The following NELL1 variants were observed in gnomAD, a reference collection of about 807,000 sequenced individuals.
The protein encoded by NELL1 is protein kinase C-binding protein NELL1.
NELL1 carries 76 observed loss-of-function variants against 107.4 expected under a neutral mutation model. That is an observed-to-expected ratio of 0.71 (90% CI 0.59 to 0.86). The LOEUF (loss-of-function observed/expected upper bound fraction) is 0.86, where lower values mean the gene tolerates loss of function less well. NELL1 is among the 40% of genes least tolerant of loss of function. The pLI is 0.00. For missense variants in NELL1, 1,024 were observed against 1,005.5 expected, an observed-to-expected ratio of 1.02 and a Z score of -0.25; for synonymous variants, 353 against 341.2, an observed-to-expected ratio of 1.03 and a Z score of -0.38.
intron 12 of NELL1, among the ~76,000 whole-genome samples, chr11:21,026,256 G>A (rs1010520889): frequency 6.6e-6 from 1 of 152,108 alleles, no homozygotes; most frequent in African/African-American, 2.4e-5. Context: ...TACCTAGTGA[G>A]CGATGCCCTT....
At chr11:21,312,651 T>C (rs1444349593) in intron 14 of NELL1, among the ~76,000 whole-genome samples, 1 of 151,966 alleles carries the variant, frequency 6.6e-6, no homozygotes, top group Admixed American at 6.6e-5. Flanking sequence ...GTGACAAATG[T>C]AAGTCTGTAG....
At chr11:21,463,074 T>A (rs996105906) in intron 15 of NELL1, among the ~76,000 whole-genome samples, 1 of 152,024 alleles carries the variant, frequency 6.6e-6, no homozygotes, top group Admixed American at 6.6e-5. Context: ...CTATCAAAAA[T>A]ACCTAAATTT....
chr11:21,481,701 T>C (rs1393461447), intron 15 of NELL1, among the ~76,000 whole-genome samples: 1 of 152,208 alleles, frequency 6.6e-6, no homozygotes, highest in Non-Finnish European at 1.5e-5. Flanking sequence ...TCGTGGACTT[T>C]AGGCAATTTC....
At chr11:21,536,670 T>C (rs575959484) in intron 16 of NELL1, among the ~76,000 whole-genome samples, 2 of 152,286 alleles carry the variant, frequency 1.3e-5, no homozygotes, top group East Asian at 1.9e-4. Flanking sequence ...GGTTGTTGTT[T>C]AATAAATGTG....
chr11:20,694,932 C>G (rs11025699), intron 2 of NELL1, among the ~76,000 whole-genome samples: 13,750 of 151,814 alleles, frequency 0.091, 823 homozygotes, highest in Non-Finnish European at 0.13. Context: ...GAACATGGAA[C>G]GTTTCTTCAT....
At chr11:20,858,139 C>T (rs1006304298) in intron 4 of NELL1, among the ~76,000 whole-genome samples, 1 of 152,172 alleles carries the variant, frequency 6.6e-6, no homozygotes, top group Non-Finnish European at 1.5e-5. Flanking sequence ...AAGTACTCTA[C>T]AAGTCCCTTA....
intron 14 of NELL1, among the ~76,000 whole-genome samples, chr11:21,278,730 T>C (rs1848925827): frequency 6.6e-6 from 1 of 152,198 alleles, no homozygotes; most frequent in South Asian, 2.1e-4. Context: ...CAAGATTTTA[T>C]GCAATCCCAA....
chr11:20,684,269 A>T (rs968849454), intron 2 of NELL1, among the ~76,000 whole-genome samples: 4 of 151,952 alleles, frequency 2.6e-5, no homozygotes, highest in South Asian at 2.1e-4. Flanking sequence ...AAATTATTTT[A>T]AAAAGACTAA....
At chr11:21,035,133 G>T (rs779955717) in intron 12 of NELL1, among the ~76,000 whole-genome samples, 52 of 151,980 alleles carry the variant, frequency 3.4e-4, no homozygotes, top group Non-Finnish European at 5.4e-4. Context: ...AGAAGAACTG[G>T]ATACATTCCT....
At chr11:21,237,197 G>C (rs1319663097) in intron 14 of NELL1, among the ~76,000 whole-genome samples, 3 of 151,930 alleles carry the variant, frequency 2.0e-5, no homozygotes, top group Non-Finnish European at 4.4e-5. Context: ...ATTCAAATTG[G>C]GCAACTACCT....
chr11:21,531,188 T>A (rs1221349259), intron 15 of NELL1, among the ~76,000 whole-genome samples: 1 of 152,264 alleles, frequency 6.6e-6, no homozygotes, highest in African/African-American at 2.4e-5. Flanking sequence ...CACACACATA[T>A]ACGTATATAG....
intron 14 of NELL1, among the ~76,000 whole-genome samples, chr11:21,326,428 G>T (rs972749697): frequency 4.6e-5 from 7 of 151,524 alleles, no homozygotes; most frequent in African/African-American, 1.7e-4. Context: ...TAATTTCCCT[G>T]GTCCAATGTC....
intron 12 of NELL1, among the ~76,000 whole-genome samples, chr11:21,004,282 G>C (rs1002775078): frequency 6.6e-6 from 1 of 152,100 alleles, no homozygotes; most frequent in Non-Finnish European, 1.5e-5. Context: ...TGCAGTAATT[G>C]AAGTGGTTAA....
At chr11:20,760,567 G>A (rs566363290) in intron 2 of NELL1, among the ~76,000 whole-genome samples, 39 of 152,316 alleles carry the variant, frequency 2.6e-4, no homozygotes, top group African/African-American at 8.7e-4. Context: ...GGCATGGATG[G>A]AAGAAGGCAC....
chr11:20,956,753 C>T (rs141956672), intron 11 of NELL1, among the ~76,000 whole-genome samples: 56 of 152,144 alleles, frequency 3.7e-4, no homozygotes, highest in Non-Finnish European at 6.5e-4. Flanking sequence ...ATTATAAATT[C>T]GATCTCCTGA....
chr11:20,783,677 T>C lies in NELL1; in HGVS notation c.185-3T>C, dbSNP rs1856896108. ...TCCTCCTGCTTTTCTTCTTGATTCC[T>C]AGACATAGAAAGAGAGATCCATGCA... is the stretch of plus-strand genomic sequence containing the variant. On this transcript the variant is annotated splice_region_variant and splice_polypyrimidine_tract_variant and intron_variant, in intron 2 of 19. Transcript: ENST00000357134. The C allele has an allele frequency of 6.2e-7, 1 of 1,611,792 alleles. No individual in the cohort carries two copies.
At chr11:20,946,031 T>C (rs79471340) in intron 10 of NELL1, among the ~76,000 whole-genome samples, 3,169 of 152,314 alleles carry the variant, frequency 0.021, 121 homozygotes, top group African/African-American at 0.072. Context: ...GAGGAAGCCA[T>C]GGTGCAAATA....
chr11:21,221,286 T>C (rs1024939297), intron 13 of NELL1, among the ~76,000 whole-genome samples: 2 of 152,218 alleles, frequency 1.3e-5, no homozygotes, highest in Non-Finnish European at 2.9e-5. Flanking sequence ...AGTTTGCTAG[T>C]ATTTGGTCGA....
chr11:21,007,259 T>TAGA (rs1852347045), intron 12 of NELL1, among the ~76,000 whole-genome samples: 1 of 152,136 alleles, frequency 6.6e-6, no homozygotes, highest in South Asian at 2.1e-4. Context: ...CTGAAATCAC[T>TAGA]AGAACCTTTA....
Sources: gnomAD v4.1 joint callset for allele counts (sites outside exome capture counted in the v4.1 genomes callset) on GRCh38, gnomAD v4.1.1 for gene constraint, MANE v1.5 for transcripts, NCBI Gene and HGNC (gene_info 2026-07-23, HGNC 2026-07-21) for gene names.